WFS1: variants seen among roughly 807,000 people sequenced by gnomAD.
The protein encoded by WFS1 is wolframin ER transmembrane glycoprotein, also known as wolframin.
In WFS1, 90 loss-of-function variants were observed where a neutral mutation model predicts 68.5. That is an observed-to-expected ratio of 1.31 (90% CI 1.11 to 1.56). The LOEUF (loss-of-function observed/expected upper bound fraction) is 1.56. WFS1 is among the 40% of genes most tolerant of loss of function. The pLI is 0.00. For missense variants in WFS1, 1,767 were observed against 1,232.6 expected, an observed-to-expected ratio of 1.43 and a Z score of -6.49; for synonymous variants, 860 against 540.7, an observed-to-expected ratio of 1.59 and a Z score of -8.19.
intron 7 of WFS1, among the ~76,000 whole-genome samples, chr4:6,299,878 G>A (rs1730803639): frequency 8.4e-6 from 1 of 118,650 alleles, no homozygotes; most frequent in East Asian, 2.6e-4. Flanking sequence ...GGGGTGGGCT[G>A]CATGTGTGTG....
At chr4:6,276,090 C>T (rs1729986706) in intron 1 of WFS1, among the ~76,000 whole-genome samples, 1 of 152,186 alleles carries the variant, frequency 6.6e-6, no homozygotes, top group Admixed American at 6.5e-5. Context: ...ACCAGCCTCT[C>T]CCTGCTCTGT....
chr4:6,282,530 A>G (rs1730198725), intron 2 of WFS1, among the ~76,000 whole-genome samples: 2 of 152,164 alleles, frequency 1.3e-5, no homozygotes, highest in South Asian at 4.1e-4. Flanking sequence ...CATCATATTT[A>G]TTTACCACAT....
chr4:6,292,036 A>G (rs1730480307), intron 6 of WFS1, 39 bp downstream of exon 6: 1 of 1,563,858 alleles, frequency 6.4e-7, no homozygotes, highest in Non-Finnish European at 8.7e-7. Context: ...CATGCCTCCC[A>G]GCCTGCACCT....
intron 6 of WFS1, 109 bp from the exon 7 acceptor site, chr4:6,294,932 T>C: frequency 6.3e-7 from 1 of 1,577,246 alleles, no homozygotes; most frequent in Non-Finnish European, 8.7e-7. Flanking sequence ...CCCACTCAGC[T>C]CCTTTCTTAG....
intron 2 of WFS1, among the ~76,000 whole-genome samples, chr4:6,281,307 A>C (rs911415447): frequency 6.6e-6 from 1 of 152,090 alleles, no homozygotes; most frequent in African/African-American, 2.4e-5. Flanking sequence ...CTGGGCAGAG[A>C]GGGAGCCCAG....
At position 6,302,087 on chromosome 4, in the gene WFS1, CT is replaced by C. The variant is rs1381011685; in HGVS notation, c.2293del (p.Cys765AlafsTer97). ...CRLKLLAKHP[C>X]HIKKFDRYKF... ...GCCTTAAGCTGCTGGCCAAGCACCC[CT>C]GCCACATCAAGAAGTTCGACCGCTA... On this transcript the variant is annotated frameshift_variant, in exon 8 of 8. Coordinates refer to ENST00000226760, the MANE Select transcript of WFS1 (RefSeq NM_006005.3). LOFTEE classifies it high-confidence loss of function. 3.7e-6 allele frequency: 6 copies of C among 1,612,806 alleles called. No homozygotes were observed. The African/African-American group carries it at 8.0e-5, about 22-fold the overall frequency.
chr4:6,291,817 A>T, intron 5 of WFS1, 100 bp from the exon 6 acceptor site: 1 of 1,304,000 alleles, frequency 7.7e-7, no homozygotes, highest in South Asian at 1.3e-5. Flanking sequence ...TGCCCCTGGA[A>T]CTGGCGTGCC....
chr4:6,292,584 G>A (rs559793600), intron 6 of WFS1, among the ~76,000 whole-genome samples: 13 of 152,218 alleles, frequency 8.5e-5, no homozygotes, highest in African/African-American at 2.9e-4. Context: ...CATCCTCCAC[G>A]TGCAGCTGGC....
intron 2 of WFS1, among the ~76,000 whole-genome samples, chr4:6,280,032 G>C (rs952346409): frequency 6.6e-6 from 1 of 151,906 alleles, no homozygotes; most frequent in African/African-American, 2.4e-5. Flanking sequence ...CACTGCCAAC[G>C]GGTCGGGGCT....
In WFS1 at chr4:6,287,966, C is replaced by T. The variant is rs536284032; in HGVS notation, c.315+791C>T. Among the ~76,000 whole-genome samples the T allele has an allele frequency of 3.1e-4, 47 of 152,292 alleles. No individual in the cohort carries two copies. The highest frequency in any genetic ancestry group is 1.1e-3 in the African/African-American group (45 of 41,556). On this transcript the variant is annotated intron_variant, in intron 3 of 7. Transcript: ENST00000226760. The surrounding 1 kb of genome is among the most constrained non-coding windows in gnomAD (Gnocchi z 6.4). The stretch of plus-strand genomic sequence containing the variant: ...GAGCGGTGGCTCACGCCTGTAATCC[C>T]AGCACTTTGGGAGGCTGAGGCGGGT...
At chr4:6,276,792 G>T (rs1384984757) in intron 1 of WFS1, among the ~76,000 whole-genome samples, 2 of 152,226 alleles carry the variant, frequency 1.3e-5, no homozygotes, top group Non-Finnish European at 2.9e-5. Context: ...TCAAGGTGTG[G>T]GCAGGGTGGG....
chr4:6,289,950 T>C (rs1730417276), intron 4 of WFS1, among the ~76,000 whole-genome samples: 1 of 152,212 alleles, frequency 6.6e-6, no homozygotes, highest in Non-Finnish European at 1.5e-5. Flanking sequence ...TTTGTTGTTG[T>C]TGTTTTGAGA....
chr4:6,286,858 C>G lies in WFS1; in HGVS notation c.233-235C>G, dbSNP rs567307973. On this transcript the variant is annotated intron_variant, in intron 2 of 7. Coordinates refer to ENST00000226760, the MANE Select transcript of WFS1 (RefSeq NM_006005.3). ...AGCGCTTTGAGTTGCTGTTGAACCACCTCACCCGCATAGAGTTTGCTCATC... is the reference window on the plus strand; with the variant it reads ...AGCGCTTTGAGTTGCTGTTGAACCAGCTCACCCGCATAGAGTTTGCTCATC... 3.1e-4 allele frequency among the ~76,000 whole-genome samples: 47 copies of G among 152,314 alleles called. 1 individual carries two copies. The South Asian group carries it at 9.7e-3, about 32-fold the overall frequency.
intron 6 of WFS1, among the ~76,000 whole-genome samples, chr4:6,293,209 C>T (rs1386550321): frequency 2.6e-5 from 4 of 152,184 alleles, no homozygotes; most frequent in African/African-American, 9.7e-5. Flanking sequence ...CCCAACCTCA[C>T]TTCCCAGTCC....
At chr4:6,297,891 C>A (rs564665205) in intron 7 of WFS1, among the ~76,000 whole-genome samples, 2 of 152,246 alleles carry the variant, frequency 1.3e-5, no homozygotes, top group African/African-American at 4.8e-5. Flanking sequence ...AAAAGGGGAT[C>A]GTTCCCTGGT....
rs1242562013 is a variant in WFS1 at position 6,270,029 on chromosome 4, GC to G, written c.-6+16del. 8.0e-6 allele frequency: 1 copy of G among 125,676 alleles called. No homozygotes were observed. Among genetic ancestry groups the G allele is most frequent in the Non-Finnish European group, 1.6e-5 (1 of 60,696 alleles). 7.8% of individuals were successfully genotyped at this position (125,676 alleles called of 1,614,324 possible). ...CTCACGGGCCGGTGAGTACTTCGGC[GC>G]TGGGGCAGTGGCGCGGTGGCTGTGG... is the stretch of plus-strand genomic sequence containing the variant. On this transcript the variant is annotated intron_variant, in intron 1 of 7. Coordinates refer to ENST00000226760, the MANE Select transcript of WFS1 (RefSeq NM_006005.3).
chr4:6,273,752 G>C (rs1489804812), intron 1 of WFS1, among the ~76,000 whole-genome samples: 3 of 152,218 alleles, frequency 2.0e-5, no homozygotes, highest in African/African-American at 7.2e-5. Flanking sequence ...CATTGTCCCT[G>C]TGACCAACCA....
At chr4:6,298,954 A>C (rs1013819938) in intron 7 of WFS1, among the ~76,000 whole-genome samples, 1 of 152,190 alleles carries the variant, frequency 6.6e-6, no homozygotes, top group East Asian at 1.9e-4. Context: ...GTAGCCCCTC[A>C]GTGGGCCCTG....
chr4:6,277,363 C>A, intron 1 of WFS1, 88 bp from the exon 2 acceptor site: 2 of 1,300,526 alleles, frequency 1.5e-6, no homozygotes, highest in Non-Finnish European at 2.2e-6. Context: ...CCACCTGCCT[C>A]CCTCTGCTTT....
Sources: allele counts gnomAD v4.1 joint callset (sites outside exome capture counted in the v4.1 genomes callset), GRCh38; gene constraint gnomAD v4.1.1; non-coding constraint Gnocchi (gnomAD v3.1); transcripts MANE v1.5; gene names NCBI Gene and HGNC (gene_info 2026-07-23, HGNC 2026-07-21).